Variants in ZNF804B observed in about 807,000 individuals in gnomAD.
The protein encoded by ZNF804B is zinc finger protein 804B.
In ZNF804B, 80 loss-of-function variants were observed where a neutral mutation model predicts 101.4. That is an observed-to-expected ratio of 0.79 (90% CI 0.66 to 0.95). The LOEUF is 0.95. Among genes scored for constraint, ZNF804B ranks in the 40% least tolerant of loss-of-function variants. ZNF804B has a pLI of 0.00. For synonymous variants in ZNF804B, 622 were observed against 558.8 expected, an observed-to-expected ratio of 1.11 and a Z score of -1.59; for missense variants, 1,673 against 1,561.9, an observed-to-expected ratio of 1.07 and a Z score of -1.20.
At chr7:89,182,233 C>T (rs2115585267) in intron 1 of ZNF804B, among the ~76,000 whole-genome samples, 1 of 152,152 alleles carries the variant, frequency 6.6e-6, no homozygotes, top group African/African-American at 2.4e-5. Flanking sequence ...ATTGAGATGC[C>T]ATGTAAAAGA....
chr7:88,827,207 A>G (rs558497362), intron 1 of ZNF804B, among the ~76,000 whole-genome samples: 1 of 152,054 alleles, frequency 6.6e-6, no homozygotes, highest in South Asian at 2.1e-4. Context: ...TTTACTGTTA[A>G]TTTCCAAGAG....
chr7:89,235,869 T>G (rs2115750736), intron 2 of ZNF804B, among the ~76,000 whole-genome samples: 1 of 152,064 alleles, frequency 6.6e-6, no homozygotes, highest in African/African-American at 2.4e-5. Context: ...TAGAAATAGG[T>G]AGTAAATAAA....
Position 88,841,908 on chromosome 7 carries a change from C to T in ZNF804B, c.108+81824C>T, listed in dbSNP as rs59129544. 6.3e-3 allele frequency among the ~76,000 whole-genome samples: 962 copies of T among 152,262 alleles called. 7 individuals carry two copies. Among genetic ancestry groups the T allele is most frequent in the African/African-American group, 0.021 (874 of 41,544 alleles). On this transcript the variant is annotated intron_variant, in intron 1 of 3. Transcript: ENST00000333190. ...TATTTCTCAGAAAGAGGTAATCAAA[C>T]ACTCGTGTAATACAGAATTTATCAG...
intron 1 of ZNF804B, among the ~76,000 whole-genome samples, chr7:88,946,554 C>CTTTTTTTTTTTTTTTT (rs202172425): frequency 4.7e-5 from 6 of 128,120 alleles, no homozygotes; most frequent in Non-Finnish European, 5.0e-5. Flanking sequence ...CTGAAATTTT[C>CTTTTTTTTTTTTTTTT]TTTTTTTTTT....
At chr7:88,916,509 C>T (rs1483123617) in intron 1 of ZNF804B, among the ~76,000 whole-genome samples, 1 of 151,878 alleles carries the variant, frequency 6.6e-6, no homozygotes, top group Non-Finnish European at 1.5e-5. Flanking sequence ...TCTTAGAAGC[C>T]TTAGATTGAT....
In ZNF804B at chr7:89,337,164, TATG is replaced by T. The variant is rs1791111020; in HGVS notation, c.*135_*137del. On this transcript the variant is annotated 3_prime_UTR_variant, in exon 4 of 4. Coordinates refer to ENST00000333190, the MANE Select transcript of ZNF804B (RefSeq NM_181646.5). ...ATTCAAAATGTGACAAATATATAAATATGATCTGAATTGCTAATACTAAAACAA... is the reference window on the plus strand; with the variant it reads ...ATTCAAAATGTGACAAATATATAAATATCTGAATTGCTAATACTAAAACAA... 1.0e-6 allele frequency: 1 copy of T among 997,036 alleles called. No homozygotes were observed. The highest frequency in any genetic ancestry group is 2.9e-5 in the Admixed American group (1 of 34,052). 61.8% of individuals were successfully genotyped at this position (997,036 alleles called of 1,614,324 possible).
At chr7:89,016,769 T>C (rs57056856) in intron 1 of ZNF804B, among the ~76,000 whole-genome samples, 7,649 of 152,162 alleles carry the variant, frequency 0.05, 435 homozygotes, top group African/African-American at 0.14. Flanking sequence ...AGTCAGGTAG[T>C]GTGATGCCTC....
intron 1 of ZNF804B, among the ~76,000 whole-genome samples, chr7:89,212,804 T>A (rs1388023483): frequency 6.6e-6 from 1 of 152,154 alleles, no homozygotes; most frequent in African/African-American, 2.4e-5. Context: ...AACCTTCTCC[T>A]GTGTCTATAA....
At chr7:89,204,858 A>T (rs1042237894) in intron 1 of ZNF804B, among the ~76,000 whole-genome samples, 2 of 152,168 alleles carry the variant, frequency 1.3e-5, no homozygotes, top group African/African-American at 2.4e-5. Context: ...ACTCTGCCCA[A>T]CCCTAAATAG....
chr7:89,299,709 T>G (rs955556915), intron 2 of ZNF804B, among the ~76,000 whole-genome samples: 1 of 152,018 alleles, frequency 6.6e-6, no homozygotes, highest in African/African-American at 2.4e-5. Context: ...AATTCCCAGT[T>G]TTGAAGTAAT....
chr7:89,035,964 A>G (rs891455587), intron 1 of ZNF804B, among the ~76,000 whole-genome samples: 3 of 145,186 alleles, frequency 2.1e-5, no homozygotes, highest in Admixed American at 7.1e-5. Flanking sequence ...TATATACAAT[A>G]CATATTATAT....
chr7:88,762,921 T>C (rs76759396), intron 1 of ZNF804B, among the ~76,000 whole-genome samples: 3,054 of 152,262 alleles, frequency 0.02, 108 homozygotes, highest in African/African-American at 0.069. Context: ...TTTTTCTGTT[T>C]TATTAGAACT....
chr7:89,168,947 C>T (rs1791185527), intron 1 of ZNF804B, among the ~76,000 whole-genome samples: 1 of 151,994 alleles, frequency 6.6e-6, no homozygotes, highest in South Asian at 2.1e-4. Context: ...TTCTTGGCCT[C>T]ACAGATTCCA....
At chr7:88,853,743 T>G (rs1713825216) in intron 1 of ZNF804B, among the ~76,000 whole-genome samples, 2 of 152,122 alleles carry the variant, frequency 1.3e-5, no homozygotes, top group Non-Finnish European at 2.9e-5. Flanking sequence ...ATTTAAATTT[T>G]GGCTAAAAAT....
In ZNF804B at chr7:89,329,277, G is replaced by A. The variant is rs189753428; in HGVS notation, c.380+1803G>A. Among the ~76,000 whole-genome samples the A allele has an allele frequency of 1.5e-3, 232 of 151,506 alleles. 1 individual carries two copies. Among genetic ancestry groups the A allele is most frequent in the African/African-American group, 4.9e-3 (205 of 41,418 alleles). On this transcript the variant is annotated intron_variant, in intron 3 of 3. Coordinates refer to ENST00000333190, the MANE Select transcript of ZNF804B (RefSeq NM_181646.5). ...ACTAGGAAAATAATTTTTTTTTATC[G>A]TCTACTGCCCATCACCTGCCTCTTA...
intron 1 of ZNF804B, among the ~76,000 whole-genome samples, chr7:89,186,189 T>TA (rs1788373625): frequency 1.3e-5 from 2 of 151,982 alleles, no homozygotes; most frequent in Admixed American, 1.3e-4. Flanking sequence ...TATGCACAAA[T>TA]AAAAAGAAAG....
intron 2 of ZNF804B, among the ~76,000 whole-genome samples, chr7:89,275,887 C>T (rs1157095875): frequency 1.3e-5 from 2 of 151,666 alleles, no homozygotes; most frequent in African/African-American, 4.9e-5. Flanking sequence ...AAGTGCAAAA[C>T]CTCTTGGATT....
intron 1 of ZNF804B, among the ~76,000 whole-genome samples, chr7:88,817,136 A>G (rs990446471): frequency 7.2e-5 from 11 of 152,338 alleles, no homozygotes; most frequent in Admixed American, 7.2e-4. Context: ...TCAAGGACAG[A>G]AAACCAAGTA....
chr7:89,087,551 T>A (rs958566151), intron 1 of ZNF804B, among the ~76,000 whole-genome samples: 2 of 152,076 alleles, frequency 1.3e-5, no homozygotes, highest in Non-Finnish European at 2.9e-5. Context: ...ATTTAACTAG[T>A]TTTGATATCT....
Sources: gnomAD v4.1 joint callset for allele counts (sites outside exome capture counted in the v4.1 genomes callset) on GRCh38, gnomAD v4.1.1 for gene constraint, MANE v1.5 for transcripts, NCBI Gene and HGNC (gene_info 2026-07-23, HGNC 2026-07-21) for gene names.